Variants in WWOX observed in about 807,000 individuals in gnomAD.
WWOX encodes WW domain containing oxidoreductase, also known as WW domain-containing oxidoreductase.
In WWOX, 69 loss-of-function variants were observed where a neutral mutation model predicts 46.2. The ratio of observed to expected loss-of-function variants is 1.49; its 90% CI spans 1.23 to 1.82. The LOEUF is 1.82. Among genes scored for constraint, WWOX ranks in the 40% most tolerant of loss-of-function variants. The pLI is 0.00. For synonymous variants in WWOX, 359 were observed against 202.6 expected, an observed-to-expected ratio of 1.77 and a Z score of -6.56; for missense variants, 919 against 542.6, an observed-to-expected ratio of 1.69 and a Z score of -6.89.
chr16:78,445,079 C>T (rs368817448), intron 8 of WWOX, among the ~76,000 whole-genome samples: 1 of 152,168 alleles, frequency 6.6e-6, no homozygotes, highest in African/African-American at 2.4e-5. Flanking sequence ...GTGAGCTCAT[C>T]TGTGAAATGC....
At chr16:78,976,021 T>G (rs2151328192) in intron 8 of WWOX, among the ~76,000 whole-genome samples, 1 of 152,310 alleles carries the variant, frequency 6.6e-6, no homozygotes, top group East Asian at 1.9e-4. Context: ...GCCATGTCCT[T>G]TCAATGGTGC....
At chr16:78,809,139 CT>C (rs1256133651) in intron 8 of WWOX, among the ~76,000 whole-genome samples, 1 of 151,980 alleles carries the variant, frequency 6.6e-6, no homozygotes, top group Non-Finnish European at 1.5e-5. Context: ...CCCCTGCACC[CT>C]TCTCAGATGC....
intron 8 of WWOX, among the ~76,000 whole-genome samples, chr16:78,730,506 C>T (rs1434539070): frequency 1.3e-5 from 2 of 151,970 alleles, no homozygotes; most frequent in East Asian, 1.9e-4. Flanking sequence ...GGCTGGAGTG[C>T]GATGGCACCA....
chr16:79,143,846 T>C (rs1325475592), intron 8 of WWOX, among the ~76,000 whole-genome samples: 3 of 152,174 alleles, frequency 2.0e-5, no homozygotes, highest in Non-Finnish European at 4.4e-5. Context: ...TCTGCTGATA[T>C]GAAGCCGATG....
chr16:78,334,808 G>GCACA (rs752956790), intron 5 of WWOX, among the ~76,000 whole-genome samples: 1,018 of 78,802 alleles, frequency 0.013, 6 homozygotes, highest in Non-Finnish European at 0.018. Flanking sequence ...ACACACACAC[G>GCACA]CACACACACA....
At chr16:78,371,044 T>A (rs573500669) in intron 5 of WWOX, among the ~76,000 whole-genome samples, 1 of 151,218 alleles carries the variant, frequency 6.6e-6, no homozygotes, top group Admixed American at 6.6e-5. Flanking sequence ...TCCTCACTTT[T>A]TTCTTTGCTG....
At chr16:79,172,079 A>C (rs1451796293) in intron 8 of WWOX, among the ~76,000 whole-genome samples, 1 of 152,184 alleles carries the variant, frequency 6.6e-6, no homozygotes, top group Non-Finnish European at 1.5e-5. Flanking sequence ...CTGTGTTAGC[A>C]CGTGACTGTC....
intron 8 of WWOX, among the ~76,000 whole-genome samples, chr16:78,569,234 G>C (rs879395031): frequency 6.6e-6 from 1 of 152,144 alleles, no homozygotes; most frequent in Non-Finnish European, 1.5e-5. Context: ...AAATAGAAAA[G>C]TGCTTCCTTG....
At chr16:78,147,264 T>G (rs1409325457) in intron 4 of WWOX, among the ~76,000 whole-genome samples, 4 of 152,202 alleles carry the variant, frequency 2.6e-5, no homozygotes, top group African/African-American at 4.8e-5. Flanking sequence ...TTTTTACATT[T>G]TGCCTCTTTT....
rs10618216 is a variant in WWOX at position 78,267,756 on chromosome 16, C to CTGATTGAT, written c.516+103490_516+103497dup. 2.2e-3 allele frequency among the ~76,000 whole-genome samples: 340 copies of CTGATTGAT among 151,888 alleles called. 2 individuals carry two copies. The highest frequency in any genetic ancestry group is 4.0e-3 in the Non-Finnish European group (271 of 67,966). On this transcript the variant is annotated intron_variant, in intron 5 of 8. Transcript: ENST00000566780. ...TAGTGAGGGATAGTATCTGTTCCAC[C>CTGATTGAT]TGATTGATTGATTGATTGATTGATT...
At chr16:78,259,733 G>C (rs898732839) in intron 5 of WWOX, among the ~76,000 whole-genome samples, 1 of 151,334 alleles carries the variant, frequency 6.6e-6, no homozygotes, top group Non-Finnish European at 1.5e-5. Flanking sequence ...GATTTTCATA[G>C]TTCTGAGATA....
intron 8 of WWOX, among the ~76,000 whole-genome samples, chr16:79,007,011 G>A (rs2047204426): frequency 6.6e-6 from 1 of 152,074 alleles, no homozygotes; most frequent in South Asian, 2.1e-4. Context: ...ATATTCACAG[G>A]TTCTGGTGAG....
At chr16:78,991,043 G>A (rs181121009) in intron 8 of WWOX, among the ~76,000 whole-genome samples, 16 of 152,330 alleles carry the variant, frequency 1.1e-4, no homozygotes, top group Admixed American at 9.8e-4. Context: ...TTTGAACAGA[G>A]CAGGACACTC....
At chr16:78,363,700 A>G (rs748123261) in intron 5 of WWOX, among the ~76,000 whole-genome samples, 1 of 152,130 alleles carries the variant, frequency 6.6e-6, no homozygotes, top group Non-Finnish European at 1.5e-5. Flanking sequence ...TAACCTTCCT[A>G]TATTTGCCAA....
At chr16:78,167,286 G>C (rs1004417143) in intron 5 of WWOX, 2 of 152,174 alleles carry the variant, frequency 1.3e-5, no homozygotes, top group African/African-American at 2.4e-5. Context: ...TTTGGAGCCT[G>C]TTTCCTCATC....
chr16:78,758,282 A>T (rs536887546), intron 8 of WWOX, among the ~76,000 whole-genome samples: 1 of 152,208 alleles, frequency 6.6e-6, no homozygotes, highest in Non-Finnish European at 1.5e-5. Flanking sequence ...TCTAAGCCCA[A>T]TGCTTGTGTT....
chr16:78,589,051 C>G (rs75863134), intron 8 of WWOX, among the ~76,000 whole-genome samples: 3 of 152,184 alleles, frequency 2.0e-5, no homozygotes, highest in Admixed American at 1.3e-4. Flanking sequence ...CTTATTAAGA[C>G]CTTATCAGTT....
intron 8 of WWOX, among the ~76,000 whole-genome samples, chr16:79,157,902 C>T (rs924041018): frequency 6.6e-6 from 1 of 152,114 alleles, no homozygotes; most frequent in African/African-American, 2.4e-5. Flanking sequence ...GGGGCTGTCC[C>T]TATTTTTCTG....
chr16:78,969,783 A>G (rs1050531430), intron 8 of WWOX, among the ~76,000 whole-genome samples: 1 of 152,198 alleles, frequency 6.6e-6, no homozygotes, highest in African/African-American at 2.4e-5. Flanking sequence ...TTTACATGAA[A>G]TACCCCAAAG....
Sources: allele counts gnomAD v4.1 joint callset (sites outside exome capture counted in the v4.1 genomes callset), GRCh38; gene constraint gnomAD v4.1.1; transcripts MANE v1.5; gene names NCBI Gene and HGNC (gene_info 2026-07-23, HGNC 2026-07-21).